The following FOXO1 variants were observed in gnomAD, a reference collection of about 807,000 sequenced individuals.
FOXO1 encodes forkhead box protein O1.
A neutral mutation model predicts 44.1 loss-of-function variants in FOXO1; 6 were observed. That is an observed-to-expected ratio of 0.14 (90% CI 0.07 to 0.27). FOXO1 has a LOEUF of 0.27. FOXO1 is among the 10% of genes least tolerant of loss of function. The probability of loss-of-function intolerance (pLI) is 1.00; values close to 1 mark genes in which losing one functional copy is unlikely to be tolerated. For missense variants in FOXO1, 737 were observed against 888.8 expected (o/e 0.83, Z 2.17); for synonymous variants, 380 against 362.7 (o/e 1.05, Z -0.54).
chr13:40,602,453 C>T (rs149553497), intron 1 of FOXO1, among the ~76,000 whole-genome samples: 19 of 152,268 alleles, frequency 1.2e-4, no homozygotes, highest in African/African-American at 4.6e-4. Context: ...AAGCATAAAA[C>T]TCATTAATAC....
chr13:40,602,590 C>T (rs942874117), intron 1 of FOXO1, among the ~76,000 whole-genome samples: 7 of 152,174 alleles, frequency 4.6e-5, no homozygotes, highest in African/African-American at 1.4e-4. Flanking sequence ...AGAGATTTAT[C>T]TTCACCTGCT....
intron 1 of FOXO1, among the ~76,000 whole-genome samples, chr13:40,640,939 A>T (rs1478976926): frequency 6.6e-6 from 1 of 152,094 alleles, no homozygotes; most frequent in African/African-American, 2.4e-5. Flanking sequence ...ACCTGCCACC[A>T]TACCCGGCTG....
intron 1 of FOXO1, among the ~76,000 whole-genome samples, chr13:40,617,834 ATTGT>A (rs1876479196): frequency 6.6e-6 from 1 of 152,336 alleles, no homozygotes; most frequent in Non-Finnish European, 1.5e-5. Flanking sequence ...TGTTCTGTAC[ATTGT>A]TTGTAATACA....
At chr13:40,616,223 T>C (rs1876417725) in intron 1 of FOXO1, among the ~76,000 whole-genome samples, 1 of 152,056 alleles carries the variant, frequency 6.6e-6, no homozygotes, top group African/African-American at 2.4e-5. Context: ...AAAACAAGTA[T>C]CTTTAGCTGA....
Position 40,619,384 on chromosome 13 carries a change from T to C in FOXO1, c.630+46199A>G. The C allele has an allele frequency of 5.7e-6, 4 of 701,132 alleles. No homozygotes were observed. The South Asian group carries it at 6.1e-5, about 11-fold the overall frequency. 43.4% of individuals were successfully genotyped at this position (701,132 alleles called of 1,614,324 possible). On this transcript the variant is annotated intron_variant, in intron 1 of 2. Coordinates refer to ENST00000379561, the MANE Select transcript of FOXO1 (RefSeq NM_002015.4). The stretch of plus-strand genomic sequence containing the variant: ...TTCAAATGAATATTCTCTTCTAGCA[T>C]AGTTGAACACCTTTCGGGGCACAGG...
At chr13:40,605,334 GTACCTGGAGATGCTCTGT>G (rs1360729783) in intron 1 of FOXO1, among the ~76,000 whole-genome samples, 1 of 152,078 alleles carries the variant, frequency 6.6e-6, no homozygotes, top group Non-Finnish European at 1.5e-5. Context: ...GAATTCCAGA[GTACCTGGAGATGCTCTGT>G]TACAACACTA....
chr13:40,587,164 A>G (rs1875196167), intron 1 of FOXO1, among the ~76,000 whole-genome samples: 1 of 151,950 alleles, frequency 6.6e-6, no homozygotes, highest in Non-Finnish European at 1.5e-5. Flanking sequence ...TGCTGAATCC[A>G]AAGTCAGAAG....
At chr13:40,637,488 G>T (rs1464448476) in intron 1 of FOXO1, among the ~76,000 whole-genome samples, 1 of 150,384 alleles carries the variant, frequency 6.6e-6, no homozygotes, top group African/African-American at 2.4e-5. Context: ...AGGTCCTGCT[G>T]GGATTTCACC....
chr13:40,589,652 A>G (rs1253061840), intron 1 of FOXO1, among the ~76,000 whole-genome samples: 1 of 152,250 alleles, frequency 6.6e-6, no homozygotes, highest in Non-Finnish European at 1.5e-5. Flanking sequence ...TAAATTAATC[A>G]GAATAGATTA....
In FOXO1 at chr13:40,576,253, C is replaced by T. The variant is rs7323255; in HGVS notation, c.631-15393G>A. ...AGGGAGGAGAGAGAGAGAGGAGGTA[C>T]GGTGGGTGGGGCCTTAACACAGCAG... On this transcript the variant is annotated intron_variant, in intron 1 of 2. Coordinates refer to ENST00000379561, the MANE Select transcript of FOXO1 (RefSeq NM_002015.4). 1.3e-3 allele frequency among the ~76,000 whole-genome samples: 199 copies of T among 152,058 alleles called. 2 individuals are homozygous for T. The highest frequency in any genetic ancestry group is 4.4e-3 in the African/African-American group (184 of 41,462).
intron 1 of FOXO1, among the ~76,000 whole-genome samples, chr13:40,611,969 G>A (rs1876249493): frequency 6.6e-6 from 1 of 152,142 alleles, no homozygotes; most frequent in Admixed American, 6.5e-5. Context: ...AGCCACTGAG[G>A]AGGCTGAGGT....
At chr13:40,614,212 A>G (rs79444471) in intron 1 of FOXO1, among the ~76,000 whole-genome samples, 1 of 152,278 alleles carries the variant, frequency 6.6e-6, no homozygotes, top group Non-Finnish European at 1.5e-5. Flanking sequence ...AAAGCCAAAC[A>G]GTTTGCTGTG....
intron 1 of FOXO1, among the ~76,000 whole-genome samples, chr13:40,646,903 T>C (rs945116805): frequency 6.6e-5 from 10 of 152,060 alleles, no homozygotes; most frequent in Admixed American, 6.6e-4. Flanking sequence ...CTGAACTTCG[T>C]AACAATTCAA....
chr13:40,568,503 A>G (rs1382514051), intron 1 of FOXO1, among the ~76,000 whole-genome samples: 3 of 152,214 alleles, frequency 2.0e-5, no homozygotes, highest in Non-Finnish European at 1.5e-5. Flanking sequence ...ACTTTTAAAA[A>G]TAATCCATTT....
At chr13:40,576,950 GTTGTT>G (rs369720498) in intron 1 of FOXO1, among the ~76,000 whole-genome samples, 10 of 152,268 alleles carry the variant, frequency 6.6e-5, no homozygotes, top group Non-Finnish European at 1.3e-4. Flanking sequence ...CATCTTTCAG[GTTGTT>G]TTGAACAGCT....
At chr13:40,650,159 T>G (rs972730335) in intron 1 of FOXO1, among the ~76,000 whole-genome samples, 30 of 145,326 alleles carry the variant, frequency 2.1e-4, no homozygotes, top group Non-Finnish European at 3.6e-4. Context: ...ACTATATATA[T>G]AGAGTAACTT....
intron 1 of FOXO1, among the ~76,000 whole-genome samples, chr13:40,604,535 G>A (rs1179717049): frequency 6.6e-6 from 1 of 152,066 alleles, no homozygotes; most frequent in Non-Finnish European, 1.5e-5. Flanking sequence ...CATCAGGCAA[G>A]GACACCTAGC....
chr13:40,633,041 G>T (rs1414686309), intron 1 of FOXO1, among the ~76,000 whole-genome samples: 1 of 152,074 alleles, frequency 6.6e-6, no homozygotes, highest in Non-Finnish European at 1.5e-5. Context: ...CAGAAAAATG[G>T]AAAACAAAAT....
intron 1 of FOXO1, among the ~76,000 whole-genome samples, chr13:40,606,033 T>G (rs972086822): frequency 6.6e-6 from 1 of 152,204 alleles, no homozygotes; most frequent in African/African-American, 2.4e-5. Flanking sequence ...GAAAGGCTTG[T>G]TCTACTTAAC....
Sources: gnomAD v4.1 joint callset for allele counts (sites outside exome capture counted in the v4.1 genomes callset) on GRCh38, gnomAD v4.1.1 for gene constraint, MANE v1.5 for transcripts, NCBI Gene and HGNC (gene_info 2026-07-23, HGNC 2026-07-21) for gene names.